NR2F1-AS1: variants seen among roughly 807,000 people sequenced by gnomAD.
NR2F1-AS1 encodes the protein NR2F1 antisense RNA 1.
intron 4 of NR2F1-AS1, among the ~76,000 whole-genome samples, chr5:93,482,908 C>T (rs1217994165): frequency 6.6e-6 from 1 of 152,180 alleles, no homozygotes; most frequent in Non-Finnish European, 1.5e-5. Context: ...CTAGATTTCC[C>T]CTCTCTGGGC....
chr5:93,434,345 A>G (rs1169357084), intron 4 of NR2F1-AS1, among the ~76,000 whole-genome samples: 1 of 152,124 alleles, frequency 6.6e-6, no homozygotes, highest in Non-Finnish European at 1.5e-5. Context: ...TTTATTTTCA[A>G]ATAATTTTAA....
At chr5:93,582,347 A>T (rs1753121763), upstream of NR2F1-AS1, among the ~76,000 whole-genome samples, 1 of 152,002 alleles carries the variant, frequency 6.6e-6, no homozygotes, top group Non-Finnish European at 1.5e-5. Context: ...TGGGATAAAT[A>T]GGAACCCTTG....
intron 4 of NR2F1-AS1, among the ~76,000 whole-genome samples, chr5:93,492,401 G>A (rs1485088543): frequency 1.3e-5 from 2 of 152,136 alleles, no homozygotes; most frequent in Non-Finnish European, 2.9e-5. Flanking sequence ...AAGAAGTTCA[G>A]TAAATAAATA....
intron 4 of NR2F1-AS1, among the ~76,000 whole-genome samples, chr5:93,418,175 T>A (rs1749007229): frequency 6.6e-6 from 1 of 152,098 alleles, no homozygotes; most frequent in Non-Finnish European, 1.5e-5. Context: ...GGCCAGACTC[T>A]CAATAGGTCA....
intron 2 of NR2F1-AS1, among the ~76,000 whole-genome samples, chr5:93,556,661 G>A (rs1244816550): frequency 1.3e-5 from 2 of 152,158 alleles, no homozygotes; most frequent in Non-Finnish European, 2.9e-5. Flanking sequence ...CACACAGGAA[G>A]AACACCATGT....
At chr5:93,489,433 T>G (rs959417843) in intron 4 of NR2F1-AS1, among the ~76,000 whole-genome samples, 1 of 151,654 alleles carries the variant, frequency 6.6e-6, no homozygotes, top group Non-Finnish European at 1.5e-5. Flanking sequence ...ATATATATAT[T>G]TTTAGGCATA....
At chr5:93,556,212 G>C (rs957764212) in intron 2 of NR2F1-AS1, among the ~76,000 whole-genome samples, 1 of 152,046 alleles carries the variant, frequency 6.6e-6, no homozygotes, top group African/African-American at 2.4e-5. Context: ...CGCATTACCT[G>C]CTCCATACAT....
chr5:93,485,565 C>T (rs969813964), intron 4 of NR2F1-AS1, among the ~76,000 whole-genome samples: 3 of 152,042 alleles, frequency 2.0e-5, no homozygotes, highest in African/African-American at 4.8e-5. Context: ...GAAGCAAGAG[C>T]AAACACATTC....
At chr5:93,531,116 T>C (rs1004988712) in intron 4 of NR2F1-AS1, among the ~76,000 whole-genome samples, 2 of 152,172 alleles carry the variant, frequency 1.3e-5, no homozygotes. Context: ...AAGAGAAGTC[T>C]GCTTACCAAA....
chr5:93,549,099 C>G (rs1308612525), intron 4 of NR2F1-AS1, among the ~76,000 whole-genome samples: 2 of 152,056 alleles, frequency 1.3e-5, no homozygotes, highest in African/African-American at 4.8e-5. Context: ...GCAATTTTAA[C>G]TACTAAGCAT....
At chr5:93,416,935 T>C (rs1042018406) in intron 4 of NR2F1-AS1, among the ~76,000 whole-genome samples, 3 of 152,238 alleles carry the variant, frequency 2.0e-5, no homozygotes, top group African/African-American at 7.2e-5. Context: ...AAGTAACTAC[T>C]TCACACAAGG....
At chr5:93,429,132 T>C (rs1380630624) in intron 4 of NR2F1-AS1, among the ~76,000 whole-genome samples, 2 of 152,218 alleles carry the variant, frequency 1.3e-5, no homozygotes, top group African/African-American at 4.8e-5. Context: ...GAGCCACTTT[T>C]GTCAGAGCTG....
intron 4 of NR2F1-AS1, among the ~76,000 whole-genome samples, chr5:93,487,973 C>CA (rs1750762096): frequency 6.6e-6 from 1 of 152,060 alleles, no homozygotes; most frequent in Non-Finnish European, 1.5e-5. Flanking sequence ...ACAAGGTTGA[C>CA]AAAAACAAGC....
At chr5:93,585,232 A>G, upstream of NR2F1-AS1, 1 of 1,554,130 alleles carries the variant, frequency 6.4e-7, no homozygotes, top group African/African-American at 1.4e-5. Context: ...GCGGGGGACA[A>G]GGGCCAGGGC....
At chr5:93,578,322 T>G (rs371139634) in intron 1 of NR2F1-AS1, among the ~76,000 whole-genome samples, 1 of 152,222 alleles carries the variant, frequency 6.6e-6, no homozygotes, top group Non-Finnish European at 1.5e-5. Flanking sequence ...AGCTTGATGC[T>G]AGCAGCCCGC....
At chr5:93,499,587 T>C (rs1385006921) in intron 4 of NR2F1-AS1, among the ~76,000 whole-genome samples, 2 of 152,140 alleles carry the variant, frequency 1.3e-5, no homozygotes, top group East Asian at 1.9e-4. Context: ...GCAGTTCCTC[T>C]ATCTGTTTCT....
intron 1 of NR2F1-AS1, among the ~76,000 whole-genome samples, chr5:93,571,949 A>C (rs952876130): frequency 6.6e-6 from 1 of 152,110 alleles, no homozygotes; most frequent in African/African-American, 2.4e-5. Flanking sequence ...CTAGAGACTC[A>C]GCTAGAACTG....
intron 4 of NR2F1-AS1, among the ~76,000 whole-genome samples, chr5:93,427,850 G>A (rs970085833): frequency 6.6e-6 from 1 of 151,896 alleles, no homozygotes; most frequent in Admixed American, 6.6e-5. Flanking sequence ...TTCATCAAAG[G>A]CTGAACTCTT....
chr5:93,456,439 A>G (rs1749947856), intron 4 of NR2F1-AS1, among the ~76,000 whole-genome samples: 1 of 152,206 alleles, frequency 6.6e-6, no homozygotes, highest in South Asian at 2.1e-4. Flanking sequence ...GACAAACATT[A>G]AAGACATCCC....
Sources: allele counts gnomAD v4.1 joint callset (sites outside exome capture counted in the v4.1 genomes callset), GRCh38; gene constraint gnomAD v4.1.1; transcripts MANE v1.5; gene names NCBI Gene and HGNC (gene_info 2026-07-23, HGNC 2026-07-21).